The following PRKAR1B variants were observed in gnomAD, a reference collection of about 807,000 sequenced individuals.
The protein encoded by PRKAR1B is protein kinase cAMP-dependent type I regulatory subunit beta, also known as cAMP-dependent protein kinase type I-beta regulatory subunit.
In PRKAR1B, 22 loss-of-function variants were observed where a neutral mutation model predicts 46.5. The ratio of observed to expected loss-of-function variants is 0.47; its 90% CI spans 0.34 to 0.68. The LOEUF (loss-of-function observed/expected upper bound fraction) is 0.68. Among genes scored for constraint, PRKAR1B ranks in the 30% least tolerant of loss-of-function variants. The probability of loss-of-function intolerance (pLI) is 0.01; values close to 1 mark genes in which losing one functional copy is unlikely to be tolerated. For synonymous variants in PRKAR1B, 259 were observed against 217.7 expected, an observed-to-expected ratio of 1.19 and a Z score of -1.67; for missense variants, 445 against 535.6, an observed-to-expected ratio of 0.83 and a Z score of 1.67.
chr7:712,337 C>T (rs1325756549), intron 1 of PRKAR1B: 2 of 149,656 alleles, frequency 1.3e-5, no homozygotes. Flanking sequence ...GGGCCGAACC[C>T]TTCCAAATGT....
At position 666,559 on chromosome 7, in the gene PRKAR1B, C is replaced by A. The variant is rs573572182; in HGVS notation, c.440+10670G>T. ...GGTGCCGTCCCAGGGGATAAGGACA[C>A]CCCACTCCAGCCCCAGCTGGACAAT... On this transcript the variant is annotated intron_variant, in intron 4 of 10. Transcript: ENST00000537384. The surrounding 1 kb of genome is among the most constrained non-coding windows in gnomAD (Gnocchi z 4.9). Among the ~76,000 whole-genome samples the A allele has an allele frequency of 1.2e-3, 177 of 152,324 alleles. 3 individuals carry two copies. Among genetic ancestry groups the A allele is most frequent in the Admixed American group, 1.8e-3 (28 of 15,300 alleles).
At chr7:566,167 C>T (rs1297048062) in intron 9 of PRKAR1B, among the ~76,000 whole-genome samples, 3 of 152,202 alleles carry the variant, frequency 2.0e-5, no homozygotes, top group Non-Finnish European at 2.9e-5. Flanking sequence ...ACCATCATCA[C>T]TATCACCATC....
rs560702437 is a variant in PRKAR1B at position 666,382 on chromosome 7, G to T, written c.440+10847C>A. ...CGGGGCTGCTTCCTGAGGCTGCTGA[G>T]GTCCCTGGCCGAGGCGTAACTGCCC... On this transcript the variant is annotated intron_variant, in intron 4 of 10. Transcript: ENST00000537384. The surrounding 1 kb of genome is among the most constrained non-coding windows in gnomAD (Gnocchi z 4.9). 1.2e-4 allele frequency among the ~76,000 whole-genome samples: 19 copies of T among 152,274 alleles called. No homozygotes were observed. The South Asian group carries it at 3.7e-3, about 30-fold the overall frequency.
At chr7:656,942 C>A (rs117884596) in intron 4 of PRKAR1B, among the ~76,000 whole-genome samples, 13,035 of 128,558 alleles carry the variant, frequency 0.1, 739 homozygotes, top group South Asian at 0.27. Flanking sequence ...AATGAGTGAA[C>A]GAATGAATGG....
chr7:661,506 T>C (rs544724509), intron 4 of PRKAR1B, among the ~76,000 whole-genome samples: 1 of 53,448 alleles, frequency 1.9e-5, no homozygotes, highest in African/African-American at 8.1e-5. Context: ...ACTCTTCCCC[T>C]CCATGGCACA....
In PRKAR1B at chr7:550,289, G is replaced by A. The variant is rs939327472; in HGVS notation, c.*141C>T. 48 of 661,718 alleles carry A rather than the reference G, an allele frequency of 7.3e-5. No individual in the cohort carries two copies. Among genetic ancestry groups the A allele is most frequent in the Middle Eastern group, 3.8e-4 (1 of 2,598 alleles). 41.0% of individuals were successfully genotyped at this position (661,718 alleles called of 1,614,324 possible). A position where few individuals can be genotyped will look rare whatever the true frequency, so the allele number is the denominator to read the frequency against. On this transcript the variant is annotated 3_prime_UTR_variant, in exon 11 of 11. Coordinates refer to ENST00000537384, the MANE Select transcript of PRKAR1B (RefSeq NM_001164760.2). ...ATCATTTATTCCAAAAAGTGAGTCC[G>A]GGGAAGGGGCAGTCCTCACGCTGCC...
At position 573,076 on chromosome 7, in the gene PRKAR1B, C is replaced by T. The variant is rs536518523; in HGVS notation, c.891+6180G>A. Among the ~76,000 whole-genome samples, 7 of 152,232 alleles carry T rather than the reference C, an allele frequency of 4.6e-5. 1 individual carries two copies. The highest frequency in any genetic ancestry group is 4.2e-4 in the South Asian group (2 of 4,814). On this transcript the variant is annotated intron_variant, in intron 9 of 10. Coordinates refer to ENST00000537384, the MANE Select transcript of PRKAR1B (RefSeq NM_001164760.2). ...GCTGTCGGTGGCCGCCCTGGACGTG[C>T]GGTCCACAGCTGGAAACCGCAATAA...
At chr7:638,404 C>T (rs1303171711) in intron 4 of PRKAR1B, among the ~76,000 whole-genome samples, 1 of 152,176 alleles carries the variant, frequency 6.6e-6, no homozygotes, top group Non-Finnish European at 1.5e-5. Context: ...CAGATCGTCC[C>T]CCGGGGGCCT....
At position 666,816 on chromosome 7, in the gene PRKAR1B, C is replaced by T. The variant is rs963860092; in HGVS notation, c.440+10413G>A. Among the ~76,000 whole-genome samples, 8 of 152,186 alleles carry T rather than the reference C, an allele frequency of 5.3e-5. No individual in the cohort carries two copies. The highest frequency in any genetic ancestry group is 1.0e-4 in the Non-Finnish European group (7 of 68,036). On this transcript the variant is annotated intron_variant, in intron 4 of 10. Coordinates refer to ENST00000537384, the MANE Select transcript of PRKAR1B (RefSeq NM_001164760.2). This position sits in a 1 kb window ranked among gnomAD's most constrained non-coding sequence, Gnocchi z 4.9. ...CCAAGTACTGAGTGGGGCCTGACTG[C>T]GGGGTCTGTCTGGATAGCCGGGCCA...
chr7:551,477 G>T lies in PRKAR1B; in HGVS notation c.892-7C>A, dbSNP rs1485382450. ...GCAGCACGGACGCGGTGCCCTGTGG[G>T]TGGAGGTGGACAGACGTGAGTGCCA... is the stretch of plus-strand genomic sequence containing the variant. On this transcript the variant is annotated splice_polypyrimidine_tract_variant and splice_region_variant and intron_variant, in intron 9 of 10. Transcript: ENST00000537384. 6.4e-7 allele frequency: 1 copy of T among 1,552,432 alleles called. No individual in the cohort carries two copies. The highest frequency in any genetic ancestry group is 8.7e-7 in the Non-Finnish European group (1 of 1,147,848).
intron 7 of PRKAR1B, among the ~76,000 whole-genome samples, chr7:590,959 C>T (rs1260693110): frequency 2.0e-5 from 3 of 152,054 alleles, no homozygotes; most frequent in South Asian, 2.1e-4. Flanking sequence ...CAGTGGCAGG[C>T]GCAATGACCC....
chr7:563,570 G>A (rs548251667), intron 9 of PRKAR1B, among the ~76,000 whole-genome samples: 3 of 152,218 alleles, frequency 2.0e-5, no homozygotes, highest in African/African-American at 4.8e-5. Flanking sequence ...GTGTGAGTGC[G>A]TGCACAGGTG....
chr7:598,150 A>C (rs1450946478), intron 6 of PRKAR1B, among the ~76,000 whole-genome samples: 1 of 150,744 alleles, frequency 6.6e-6, no homozygotes, highest in East Asian at 2.0e-4. Flanking sequence ...AAACACCATC[A>C]CCCTCCAGCA....
rs566144483 is a variant in PRKAR1B at position 644,381 on chromosome 7, C to T, written c.440+32848G>A. Reference sequence around the variant, plus strand: ...GTGGGGAAACTGAGGCGCGCACATTCGGAACGGGGTTTTGCTCCTCCTTGG... The same window carrying T: ...GTGGGGAAACTGAGGCGCGCACATTTGGAACGGGGTTTTGCTCCTCCTTGG... On this transcript the variant is annotated intron_variant, in intron 4 of 10. Coordinates refer to ENST00000537384, the MANE Select transcript of PRKAR1B (RefSeq NM_001164760.2). The surrounding 1 kb of genome is among the most constrained non-coding windows in gnomAD (Gnocchi z 4.9). Among the ~76,000 whole-genome samples, 24 of 152,176 alleles carry T rather than the reference C, an allele frequency of 1.6e-4. No homozygotes were observed. Among genetic ancestry groups the T allele is most frequent in the Non-Finnish European group, 2.5e-4 (17 of 68,038 alleles).
chr7:720,425 C>G (rs960506463), intron 1 of PRKAR1B, among the ~76,000 whole-genome samples: 2 of 152,212 alleles, frequency 1.3e-5, no homozygotes, highest in Non-Finnish European at 2.9e-5. Context: ...ATCTTGGTCT[C>G]TGTTCTGAGG....
At position 665,808 on chromosome 7, in the gene PRKAR1B, G is replaced by C. The variant is rs1054869602; in HGVS notation, c.440+11421C>G. Among the ~76,000 whole-genome samples, 6 of 152,354 alleles carry C rather than the reference G, an allele frequency of 3.9e-5. No individual in the cohort carries two copies. In the East Asian group the frequency reaches 9.6e-4, roughly 24 times the overall value. Reference sequence around the variant, plus strand: ...AGCTGCCCGTGAATTCGGCAGAAGGGCTTGTTTTTCCCATCACCTGAGGAT... The same window carrying C: ...AGCTGCCCGTGAATTCGGCAGAAGGCCTTGTTTTTCCCATCACCTGAGGAT... On this transcript the variant is annotated intron_variant, in intron 4 of 10. Coordinates refer to ENST00000537384, the MANE Select transcript of PRKAR1B (RefSeq NM_001164760.2).
intron 7 of PRKAR1B, among the ~76,000 whole-genome samples, chr7:590,853 A>C (rs1431338742): frequency 6.6e-6 from 1 of 151,966 alleles, no homozygotes; most frequent in Non-Finnish European, 1.5e-5. Context: ...CCTCAGTGAC[A>C]ACGATCTTTT....
chr7:711,108 G>A (rs979905295), intron 2 of PRKAR1B, among the ~76,000 whole-genome samples: 1 of 152,198 alleles, frequency 6.6e-6, no homozygotes, highest in South Asian at 2.1e-4. Context: ...GTGGCTCAGA[G>A]GACCCCACCT....
chr7:719,376 A>C (rs1048580669), intron 1 of PRKAR1B, among the ~76,000 whole-genome samples: 7 of 151,894 alleles, frequency 4.6e-5, no homozygotes, highest in African/African-American at 1.5e-4. Flanking sequence ...TGGGGGTCTC[A>C]CTATGTTGCC....
Sources: gnomAD v4.1 joint callset for allele counts (sites outside exome capture counted in the v4.1 genomes callset) on GRCh38, gnomAD v4.1.1 for gene constraint, Gnocchi (gnomAD v3.1) non-coding constraint, MANE v1.5 for transcripts, NCBI Gene and HGNC (gene_info 2026-07-23, HGNC 2026-07-21) for gene names.